DPP10: variants seen among roughly 807,000 people sequenced by gnomAD.
DPP10 encodes the protein dipeptidyl peptidase like 10.
DPP10 carries 33 observed loss-of-function variants against 120.9 expected under a neutral mutation model. The observed-to-expected ratio is 0.27, with a 90% confidence interval of 0.21 to 0.37. The LOEUF is 0.37. Ranked by LOEUF, DPP10 falls within the 10% of genes least tolerant of loss-of-function variation. The pLI, the probability that DPP10 is intolerant of heterozygous loss-of-function variation, is 1.00. For missense variants in DPP10, 816 were observed against 942.8 expected (o/e 0.87, Z 1.76); for synonymous variants, 337 against 326.1 (o/e 1.03, Z -0.36).
chr2:114,775,469 A>C (rs759411773), intron 1 of DPP10, among the ~76,000 whole-genome samples: 1 of 152,176 alleles, frequency 6.6e-6, no homozygotes, highest in Non-Finnish European at 1.5e-5. Context: ...CATGCACAGC[A>C]ACTCAAGGGT....
At chr2:115,466,271 A>G (rs1444134571) in intron 3 of DPP10, among the ~76,000 whole-genome samples, 2 of 152,166 alleles carry the variant, frequency 1.3e-5, no homozygotes, top group Non-Finnish European at 1.5e-5. Flanking sequence ...TGGGAATTAT[A>G]GTGTGGTGTT....
At chr2:114,937,215 G>A (rs1029706736) in intron 1 of DPP10, among the ~76,000 whole-genome samples, 1 of 152,042 alleles carries the variant, frequency 6.6e-6, no homozygotes, top group South Asian at 2.1e-4. Flanking sequence ...GGATCTTTAT[G>A]GTTTCAGGTC....
chr2:115,531,714 A>G (rs914140631), intron 5 of DPP10, among the ~76,000 whole-genome samples: 6 of 152,130 alleles, frequency 3.9e-5, no homozygotes, highest in African/African-American at 1.4e-4. Context: ...TACTATGAAG[A>G]TAGCTTGAAC....
chr2:115,332,078 A>G lies in DPP10; in HGVS notation c.176-11739A>G, dbSNP rs1202309121. On this transcript the variant is annotated intron_variant, in intron 2 of 25. Coordinates refer to ENST00000410059, the MANE Select transcript of DPP10 (RefSeq NM_020868.6). Reference sequence around the variant, plus strand: ...CTGGACTTTTTTTGGTTGGTAAGCTATTGATTATTGCCTCAATTTCAGAGC... The same window carrying G: ...CTGGACTTTTTTTGGTTGGTAAGCTGTTGATTATTGCCTCAATTTCAGAGC... Among the ~76,000 whole-genome samples the G allele has an allele frequency of 5.9e-5, 9 of 152,228 alleles. 1 individual carries two copies. The South Asian group carries it at 8.3e-4, about 14-fold the overall frequency.
At chr2:115,717,091 A>T (rs1171406411) in intron 7 of DPP10, among the ~76,000 whole-genome samples, 1 of 152,216 alleles carries the variant, frequency 6.6e-6, no homozygotes, top group African/African-American at 2.4e-5. Context: ...CTTTGGATGA[A>T]TGAGAGGGAG....
intron 1 of DPP10, chr2:115,161,676 C>T (rs928234499): frequency 2.4e-5 from 8 of 336,042 alleles, no homozygotes; most frequent in African/African-American, 1.7e-4. Context: ...TAACTTGCCG[C>T]TTGGTCTCGC....
chr2:115,213,085 C>T (rs1187138616), intron 1 of DPP10, among the ~76,000 whole-genome samples: 3 of 152,040 alleles, frequency 2.0e-5, no homozygotes, highest in Non-Finnish European at 4.4e-5. Context: ...ATAACATGTA[C>T]ATTTGAAAGG....
intron 1 of DPP10, among the ~76,000 whole-genome samples, chr2:114,665,117 T>C (rs1697819036): frequency 6.6e-6 from 1 of 152,170 alleles, no homozygotes; most frequent in African/African-American, 2.4e-5. Context: ...GTACCTTATA[T>C]TACAACATAG....
At chr2:115,775,091 G>A (rs936234787) in intron 13 of DPP10, among the ~76,000 whole-genome samples, 6 of 151,754 alleles carry the variant, frequency 4.0e-5, no homozygotes, top group African/African-American at 9.7e-5. Context: ...CTACATATAC[G>A]AAAATATGCA....
rs4849348 is a variant in DPP10 at position 114,663,670 on chromosome 2, G to T, written c.60+220832G>T. On this transcript the variant is annotated intron_variant, in intron 1 of 25. Coordinates refer to ENST00000410059, the MANE Select transcript of DPP10 (RefSeq NM_020868.6). ...ATATATATATATATATATATATATA[G>T]AGAGAGAGAGAGAGAGAGAGAGAGA... Among the ~76,000 whole-genome samples the T allele has an allele frequency of 9.6e-3, 1,046 of 108,994 alleles. 5 individuals are homozygous for T. Among genetic ancestry groups the T allele is most frequent in the East Asian group, 0.019 (75 of 3,940 alleles). 71.5% of individuals were successfully genotyped at this position (108,994 alleles called of 152,430 possible).
chr2:114,444,996 A>G lies in DPP10; in HGVS notation c.60+2158A>G, dbSNP rs77213927. ...TTATGAAACATTTATGGCTTTTTGA[A>G]TTTATACTAAAAATGGCTATCTATA... is the stretch of plus-strand genomic sequence containing the variant. On this transcript the variant is annotated intron_variant, in intron 1 of 25. Transcript: ENST00000410059. Among the ~76,000 whole-genome samples the G allele has an allele frequency of 4.6e-3, 703 of 152,296 alleles. 8 individuals carry two copies. The highest frequency in any genetic ancestry group is 0.016 in the African/African-American group (681 of 41,572).
chr2:115,200,499 G>T (rs1413669094), intron 1 of DPP10, among the ~76,000 whole-genome samples: 1 of 152,162 alleles, frequency 6.6e-6, no homozygotes, highest in African/African-American at 2.4e-5. Flanking sequence ...GAAAACTCTG[G>T]TATACTCTTT....
intron 5 of DPP10, among the ~76,000 whole-genome samples, chr2:115,572,908 G>A (rs1158382870): frequency 1.3e-5 from 2 of 152,192 alleles, no homozygotes; most frequent in Non-Finnish European, 2.9e-5. Context: ...TGGCAGAAAA[G>A]AGAGTGCAGA....
At chr2:115,299,250 A>T (rs556093714) in intron 1 of DPP10, among the ~76,000 whole-genome samples, 1 of 152,214 alleles carries the variant, frequency 6.6e-6, no homozygotes, top group South Asian at 2.1e-4. Context: ...GTATTGAATG[A>T]TATCACTAGA....
At chr2:115,339,853 G>A (rs1233251641) in intron 2 of DPP10, among the ~76,000 whole-genome samples, 1 of 152,178 alleles carries the variant, frequency 6.6e-6, no homozygotes, top group Non-Finnish European at 1.5e-5. Flanking sequence ...CCTAGTGATG[G>A]AACTGTTCTT....
chr2:115,341,071 TA>T (rs1458132152), intron 2 of DPP10, among the ~76,000 whole-genome samples: 8 of 152,088 alleles, frequency 5.3e-5, no homozygotes, highest in African/African-American at 1.9e-4. Flanking sequence ...GAAACCCTAA[TA>T]AAATTAGCTC....
At chr2:115,524,061 T>C (rs1178332217) in intron 4 of DPP10, among the ~76,000 whole-genome samples, 3 of 152,166 alleles carry the variant, frequency 2.0e-5, no homozygotes, top group Non-Finnish European at 4.4e-5. Context: ...TTCTCTTGCA[T>C]ATCTGGCTCA....
intron 1 of DPP10, among the ~76,000 whole-genome samples, chr2:114,933,088 A>T (rs1463001968): frequency 6.0e-5 from 9 of 150,548 alleles, no homozygotes; most frequent in South Asian, 2.1e-4. Flanking sequence ...CTCTTTTTTT[A>T]AAAAAAACTT....
intron 1 of DPP10, among the ~76,000 whole-genome samples, chr2:114,821,861 C>T (rs1372527668): frequency 1.3e-5 from 2 of 152,174 alleles, no homozygotes; most frequent in Non-Finnish European, 2.9e-5. Flanking sequence ...AGTTGGCTCC[C>T]ACAGCCTTAG....
Sources: allele counts gnomAD v4.1 joint callset (sites outside exome capture counted in the v4.1 genomes callset), GRCh38; gene constraint gnomAD v4.1.1; transcripts MANE v1.5; gene names NCBI Gene and HGNC (gene_info 2026-07-23, HGNC 2026-07-21).